Variants in GOLGA6B observed in about 807,000 individuals in gnomAD.
The protein encoded by GOLGA6B is golgin A6 family member B.
In GOLGA6B, 11 loss-of-function variants were observed where a neutral mutation model predicts 63.0. The ratio of observed to expected loss-of-function variants is 0.17; its 90% CI spans 0.11 to 0.29. GOLGA6B has a LOEUF of 0.29. Among genes scored for constraint, GOLGA6B ranks in the 10% least tolerant of loss-of-function variants. The pLI, the probability that GOLGA6B is intolerant of heterozygous loss-of-function variation, is 1.00. For synonymous variants in GOLGA6B, 46 were observed against 232.6 expected, an observed-to-expected ratio of 0.20 and a Z score of 7.30; for missense variants, 134 against 563.8, an observed-to-expected ratio of 0.24 and a Z score of 7.72.
Position 72,669,326 on chromosome 15 carries a change from C to T in GOLGA6B, c.*2984C>T, listed in dbSNP as rs1267039686. ...ATATAACTATTCATAAGTGTAACTGCTATCTTAATGTTTTGAAATAAGTTA... is the reference window on the plus strand; with the variant it reads ...ATATAACTATTCATAAGTGTAACTGTTATCTTAATGTTTTGAAATAAGTTA... On this transcript the variant is annotated 3_prime_UTR_variant, in exon 18 of 18. Coordinates refer to ENST00000421285, the MANE Select transcript of GOLGA6B (RefSeq NM_018652.5). 6.6e-6 allele frequency among the ~76,000 whole-genome samples: 1 copy of T among 152,098 alleles called. No homozygotes were observed. Among genetic ancestry groups the T allele is most frequent in the Non-Finnish European group, 1.5e-5 (1 of 68,022 alleles).
At chr15:72,665,126 G>T (rs2439205) in intron 14 of GOLGA6B, 91 bp downstream of exon 14, 658,405 of 948,428 alleles carry the variant, frequency 0.69, 203,863 homozygotes, top group Admixed American at 0.76. Context: ...CCTTCTGATT[G>T]CTCTGGCCCC....
chr15:72,666,248 A>G lies in GOLGA6B; in HGVS notation c.1988A>G (p.Glu663Gly), dbSNP rs780912650. ...FYEVSLDNNV[E>G]PAPGAAREGS... Reference sequence around the variant, plus strand: ...GAAGTGAGCCTGGACAACAACGTGGAGCCTGCACCAGGAGCGGCCAGGGAG... The same window carrying G: ...GAAGTGAGCCTGGACAACAACGTGGGGCCTGCACCAGGAGCGGCCAGGGAG... The change falls in exon 18 of 18, where the codon GAG (glutamate) becomes GGG (glycine). Residue 663 changes from glutamate to glycine, a missense_variant. Physicochemically the swap from Glu to Gly is moderately conservative, Grantham distance 98. Transcript: ENST00000421285. 10 of 1,603,856 alleles carry G rather than the reference A, an allele frequency of 6.2e-6. No homozygotes were observed. In the South Asian group the frequency reaches 1.1e-4, roughly 18 times the overall value.
At chr15:72,663,979 G>A (rs2064616683) in intron 12 of GOLGA6B, among the ~76,000 whole-genome samples, 1 of 130,370 alleles carries the variant, frequency 7.7e-6, no homozygotes, top group Non-Finnish European at 1.7e-5. Context: ...GGGGTTCTAG[G>A]CAAGAGAGGA....
chr15:72,664,573 G>A (rs1180159666), intron 13 of GOLGA6B, 62 bp downstream of exon 13: 2 of 1,104,694 alleles, frequency 1.8e-6, no homozygotes, highest in Admixed American at 2.2e-5. Flanking sequence ...ACTGTTAGCA[G>A]CATAGGATTG....
rs949115680 is a variant in GOLGA6B, at chr15:72,664,501, C to T, written c.1491C>T (p.Leu497=). 1 of 1,356,370 alleles carries T rather than the reference C, an allele frequency of 7.4e-7. No individual in the cohort carries two copies. The highest frequency in any genetic ancestry group is 1.0e-6 in the Non-Finnish European group (1 of 994,938). The allele number at this position is 1,356,370 out of a possible 1,614,324, so 84.0% of individuals were successfully genotyped here. Residue 497 remains leucine (L), a synonymous_variant, in exon 13 of 18, where the codon CTC becomes CTT. Transcript: ENST00000421285. ...AGACCCAGCTAAGCCTCGTGGCTCT[C>T]CCGGGAGAAGGTACAGGAGACCACT... ...QLETQLSLVA[L]PGEGDGGQHL... is the part of the protein sequence containing the mutation.
At chr15:72,657,137 G>C (rs2064579951) in intron 2 of GOLGA6B, among the ~76,000 whole-genome samples, 1 of 35,244 alleles carries the variant, frequency 2.8e-5, no homozygotes, top group Admixed American at 3.6e-4. Flanking sequence ...CACTTCTTCT[G>C]CTGGGCCTCA....
Position 72,664,428 on chromosome 15 carries a change from C to A in GOLGA6B, c.1426-8C>A, listed in dbSNP as rs752542237. 2.3e-6 allele frequency: 3 copies of A among 1,321,252 alleles called. 1 individual carries two copies. In the South Asian group the frequency reaches 4.3e-5, roughly 19 times the overall value. The allele number at this position is 1,321,252 out of a possible 1,614,324, so 81.8% of individuals were successfully genotyped here. A position where few individuals can be genotyped will look rare whatever the true frequency, so the allele number is the denominator to read the frequency against. On this transcript the variant is annotated splice_region_variant and splice_polypyrimidine_tract_variant and intron_variant, in intron 12 of 17. Transcript: ENST00000421285. ...CGTGCCTTCTCACTCTGTTTCCCGT[C>A]CCCTTAGGAGCACCTAGAAGCTGCC...
intron 12 of GOLGA6B, among the ~76,000 whole-genome samples, chr15:72,664,196 C>T (rs1393986251): frequency 7.7e-6 from 1 of 130,602 alleles, no homozygotes; most frequent in East Asian, 2.3e-4. Context: ...TCACCTGCAG[C>T]AGTACGTGGC....
chr15:72,657,944 T>A (rs2064583725), intron 2 of GOLGA6B, among the ~76,000 whole-genome samples: 1 of 109,880 alleles, frequency 9.1e-6, no homozygotes, highest in Non-Finnish European at 1.7e-5. Context: ...CATGTGGGAT[T>A]TGGGCTCTTT....
chr15:72,665,148 G>A (rs370276618), intron 14 of GOLGA6B, 113 bp downstream of exon 14: 22,177 of 713,110 alleles, frequency 0.031, 114 homozygotes, highest in Middle Eastern at 0.052. Flanking sequence ...CACCCCTTCC[G>A]GGAGCCAGTG....
intron 7 of GOLGA6B, among the ~76,000 whole-genome samples, chr15:72,660,890 G>A (rs1202638422): frequency 7.2e-6 from 1 of 138,310 alleles, no homozygotes; most frequent in Non-Finnish European, 1.5e-5. Flanking sequence ...ACTTAACCTT[G>A]AACACTCGAT....
chr15:72,657,956 T>C (rs2064583933), intron 2 of GOLGA6B, among the ~76,000 whole-genome samples: 1 of 64,852 alleles, frequency 1.5e-5, no homozygotes, highest in East Asian at 3.7e-4. Flanking sequence ...GGGCTCTTTT[T>C]TTTTTTTTTT....
Position 72,661,274 on chromosome 15 carries a change from G to C in GOLGA6B, c.575G>C (p.Cys192Ser). Residue 192 changes from cysteine (C) to serine (S), a missense_variant, in exon 8 of 18, where the codon TGC (cysteine) becomes TCC (serine). Physicochemically the swap from Cys to Ser is moderately radical, Grantham distance 112. Coordinates refer to ENST00000421285, the MANE Select transcript of GOLGA6B (RefSeq NM_018652.5). ...CTCTTCACCATCCAGTCCTCGAGCT[G>C]CAGAGAAGCGGTCCTCCACCGGCGG... ...QQQEEDRSSSCREAVLHRRLQ... is the reference protein window; with the variant it reads ...QQQEEDRSSSSREAVLHRRLQ... 6.2e-7 allele frequency: 1 copy of C among 1,613,390 alleles called. No individual in the cohort carries two copies. The highest frequency in any genetic ancestry group is 8.5e-7 in the Non-Finnish European group (1 of 1,179,942).
Position 72,664,389 on chromosome 15 carries a change from G to A in GOLGA6B, c.1426-47G>A, listed in dbSNP as rs753643123. 8 of 1,312,354 alleles carry A rather than the reference G, an allele frequency of 6.1e-6. 1 individual carries two copies. The highest frequency in any genetic ancestry group is 4.3e-5 in the South Asian group (3 of 69,194). 81.3% of individuals were successfully genotyped at this position (1,312,354 alleles called of 1,614,324 possible). A position where few individuals can be genotyped will look rare whatever the true frequency, so the allele number is the denominator to read the frequency against. ...CTGAGGACGGGGCCCCGAGGGGGATGACCTGGCAACCTCCGTGCCTTCTCA... is the reference window on the plus strand; with the variant it reads ...CTGAGGACGGGGCCCCGAGGGGGATAACCTGGCAACCTCCGTGCCTTCTCA... On this transcript the variant is annotated intron_variant, in intron 12 of 17. Coordinates refer to ENST00000421285, the MANE Select transcript of GOLGA6B (RefSeq NM_018652.5).
intron 13 of GOLGA6B, 167 bp downstream of exon 13, chr15:72,664,678 G>A (rs1399297008): frequency 1.6e-6 from 1 of 607,914 alleles, no homozygotes; most frequent in Non-Finnish European, 2.7e-6. Flanking sequence ...CTGGGAGCAG[G>A]GGGCCACCAG....
In GOLGA6B at chr15:72,664,274, G is replaced by C. The variant is rs535053896; in HGVS notation, c.1426-162G>C. Among the ~76,000 whole-genome samples the C allele has an allele frequency of 1.1e-4, 14 of 130,126 alleles. 4 individuals carry two copies. The highest frequency in any genetic ancestry group is 2.1e-4 in the Non-Finnish European group (12 of 57,506). 85.4% of individuals were successfully genotyped at this position (130,126 alleles called of 152,430 possible). A position where few individuals can be genotyped will look rare whatever the true frequency, so the allele number is the denominator to read the frequency against. On this transcript the variant is annotated intron_variant, in intron 12 of 17. Transcript: ENST00000421285. ...GCAGTTACTGCTGCAGACCCAGCTCGTGGACCAGCTGCAGCAGCAGGAAGC... is the reference window on the plus strand; with the variant it reads ...GCAGTTACTGCTGCAGACCCAGCTCCTGGACCAGCTGCAGCAGCAGGAAGC...
Position 72,661,777 on chromosome 15 carries a change from GAGA to G in GOLGA6B, c.784_786del (p.Lys262del). The G allele has an allele frequency of 2.4e-6, 1 of 421,810 alleles. No individual in the cohort carries two copies. Among genetic ancestry groups the G allele is most frequent in the Non-Finnish European group, 4.0e-6 (1 of 251,078 alleles). The allele number at this position is 421,810 out of a possible 1,614,324, so 26.1% of individuals were successfully genotyped here. A position where few individuals can be genotyped will look rare whatever the true frequency, so the allele number is the denominator to read the frequency against. ...TGGGCAGGCTCGAACATTGAAGGAA[GAGA>G]AGAAGCGTGACATACATCGGATACA... On this transcript the variant is annotated inframe_deletion, in exon 10 of 18. Coordinates refer to ENST00000421285, the MANE Select transcript of GOLGA6B (RefSeq NM_018652.5).
At position 72,662,269 on chromosome 15, in the gene GOLGA6B, G is replaced by C. The variant is rs530254424; in HGVS notation, c.865G>C (p.Ala289Pro). Residue 289 changes from alanine to proline, a missense_variant, in exon 11 of 18, where the codon GCG becomes CCG. Ala to Pro is a conservative substitution (Grantham distance 27). Coordinates refer to ENST00000421285, the MANE Select transcript of GOLGA6B (RefSeq NM_018652.5). Reference protein sequence around the residue: ...KNQMAKPPSLAPPAVTSVVEQ... With the variant: ...KNQMAKPPSLPPPAVTSVVEQ... ...TTTCTCAGCTAAGCCCCCATCCCTG[G>C]CGCCCCCAGCAGTGACCTCTGTGGT... The C allele has an allele frequency of 7.2e-7, 1 of 1,385,168 alleles. No individual in the cohort carries two copies. The highest frequency in any genetic ancestry group is 2.6e-5 in the East Asian group (1 of 38,034). The allele number at this position is 1,385,168 out of a possible 1,614,324, so 85.8% of individuals were successfully genotyped here.
chr15:72,662,361 A>C lies in GOLGA6B; in HGVS notation c.957A>C (p.Gln319His). 2.2e-6 allele frequency: 3 copies of C among 1,388,032 alleles called. 1 individual carries two copies. Among genetic ancestry groups the C allele is most frequent in the Non-Finnish European group, 2.9e-6 (3 of 1,023,868 alleles). The allele number at this position is 1,388,032 out of a possible 1,614,324, so 86.0% of individuals were successfully genotyped here. A position where few individuals can be genotyped will look rare whatever the true frequency, so the allele number is the denominator to read the frequency against. ...TGGAAGGTCTGGAGGGAAAGCTCCA[A>C]TCCCAGGTGGAAAACAATCAGGCCT... ...QEVEGLEGKL[Q>H]SQVENNQALS... Residue 319 changes from glutamine (Q) to histidine (H), a missense_variant, in exon 11 of 18, where the codon CAA becomes CAC. Gln to His is a conservative substitution (Grantham distance 24, BLOSUM62 0). Transcript: ENST00000421285.
Sources: allele counts gnomAD v4.1 joint callset (sites outside exome capture counted in the v4.1 genomes callset), GRCh38; gene constraint gnomAD v4.1.1; transcripts MANE v1.5; gene names NCBI Gene and HGNC (gene_info 2026-07-23, HGNC 2026-07-21).